The following ITGB3BP variants were observed in gnomAD, a reference collection of about 807,000 sequenced individuals.
The protein encoded by ITGB3BP is centromere protein R.
A neutral mutation model predicts 29.1 loss-of-function variants in ITGB3BP; 27 were observed. That is an observed-to-expected ratio of 0.93 (90% CI 0.68 to 1.28). ITGB3BP has a LOEUF of 1.28. ITGB3BP is among the 50% of genes most tolerant of loss of function. The probability of loss-of-function intolerance (pLI) is 0.00; values close to 1 mark genes in which losing one functional copy is unlikely to be tolerated. For synonymous variants in ITGB3BP, 61 were observed against 61.4 expected (o/e 0.99, Z 0.03); for missense variants, 192 against 200.2 (o/e 0.96, Z 0.25).
At chr1:63,473,203 C>T (rs1204590033) in intron 4 of ITGB3BP, among the ~76,000 whole-genome samples, 32 of 151,660 alleles carry the variant, frequency 2.1e-4, no homozygotes, top group Middle Eastern at 3.4e-3. Flanking sequence ...TCTGCCCGGC[C>T]GCCCCGTCTG....
chr1:63,500,392 A>G (rs1271550876), intron 2 of ITGB3BP, among the ~76,000 whole-genome samples: 1 of 152,176 alleles, frequency 6.6e-6, no homozygotes, highest in Admixed American at 6.5e-5. Context: ...CAAAAAAAAA[A>G]GAAAATCTCC....
At chr1:63,447,847 A>G in intron 7 of ITGB3BP, 1 of 307,652 alleles carries the variant, frequency 3.3e-6, no homozygotes, top group Non-Finnish European at 6.6e-6. Flanking sequence ...CCAAAGGACT[A>G]TAAATCATGC....
intron 3 of ITGB3BP, among the ~76,000 whole-genome samples, chr1:63,484,087 C>A (rs945581830): frequency 6.6e-6 from 1 of 152,052 alleles, no homozygotes; most frequent in Non-Finnish European, 1.5e-5. Context: ...TTCAACCAAC[C>A]ATGGATCAAA....
Position 63,490,168 on chromosome 1 carries a change from A to G in ITGB3BP, c.99T>C (p.Ser33=). The G allele has an allele frequency of 1.9e-6, 3 of 1,598,842 alleles. No homozygotes were observed. The highest frequency in any genetic ancestry group is 2.6e-6 in the Non-Finnish European group (3 of 1,167,064). The part of the protein sequence containing the change: ...ITRKKSVITY[S]PTTGTCQMSL... ...TCATTTGACAAGTTCCAGTTGTTGG[A>G]GAATAAGTTATAACACTTTTCTTCC... The change falls in exon 3 of 9, where the codon TCT becomes TCC. Residue 33 remains serine (S), a synonymous_variant. Coordinates refer to ENST00000271002, the MANE Select transcript of ITGB3BP (RefSeq NM_014288.5).
chr1:63,495,098 T>C (rs1645754603), intron 2 of ITGB3BP, among the ~76,000 whole-genome samples: 1 of 152,202 alleles, frequency 6.6e-6, no homozygotes, highest in Non-Finnish European at 1.5e-5. Flanking sequence ...GAAGCCACCA[T>C]GCAGGCTTCT....
At chr1:63,441,535 C>A in intron 8 of ITGB3BP, among the ~76,000 whole-genome samples, 1 of 152,284 alleles carries the variant, frequency 6.6e-6, no homozygotes, top group African/African-American at 2.4e-5. Context: ...TGTGCCCGGC[C>A]TTATTTGCTT....
chr1:63,468,299 T>C (rs955924046), intron 4 of ITGB3BP, among the ~76,000 whole-genome samples: 2 of 152,170 alleles, frequency 1.3e-5, no homozygotes, highest in African/African-American at 4.8e-5. Context: ...ACTTTGGTAG[T>C]CTTTAAATAA....
chr1:63,481,065 G>A lies in ITGB3BP; in HGVS notation c.185-2232C>T, dbSNP rs1461339717. On this transcript the variant is annotated intron_variant, in intron 3 of 8. Coordinates refer to ENST00000271002, the MANE Select transcript of ITGB3BP (RefSeq NM_014288.5). ...GCATTCAGTAAGGCTCCAAAATTAA[G>A]TATTAAAATTACTTTGCTCCTTTAA... Among the ~76,000 whole-genome samples, 3 of 152,018 alleles carry A rather than the reference G, an allele frequency of 2.0e-5. No individual in the cohort carries two copies. The East Asian group carries it at 5.8e-4, about 29-fold the overall frequency.
intron 4 of ITGB3BP, among the ~76,000 whole-genome samples, chr1:63,478,191 T>G (rs1252538913): frequency 6.6e-6 from 1 of 152,242 alleles, no homozygotes; most frequent in Non-Finnish European, 1.5e-5. Flanking sequence ...CTCGAAATAT[T>G]TTCAATTTGT....
chr1:63,525,386 C>T (rs1646570253), upstream of ITGB3BP, among the ~76,000 whole-genome samples: 1 of 152,084 alleles, frequency 6.6e-6, no homozygotes, highest in African/African-American at 2.4e-5. Context: ...CGTCCATATA[C>T]AACTATAGTA....
intron 4 of ITGB3BP, among the ~76,000 whole-genome samples, chr1:63,471,463 G>A (rs1219866788): frequency 6.6e-6 from 1 of 151,986 alleles, no homozygotes; most frequent in East Asian, 1.9e-4. Context: ...GTGTTAGCCA[G>A]GATGGTCTCT....
At position 63,502,007 on chromosome 1, in the gene ITGB3BP, T is replaced by C. The variant is rs1380998619; in HGVS notation, c.48+6521A>G. ...ATTGAGCTGGCCTTGGTAAGAAGTA[T>C]GCTCTTCTCTTCCCAACCGTAGCAT... On this transcript the variant is annotated intron_variant, in intron 2 of 8. Transcript: ENST00000271002. Among the ~76,000 whole-genome samples the C allele has an allele frequency of 3.9e-5, 6 of 152,296 alleles. No homozygotes were observed. The East Asian group carries it at 1.2e-3, about 29-fold the overall frequency.
At chr1:63,515,873 A>G (rs10889426) in intron 1 of ITGB3BP, among the ~76,000 whole-genome samples, 136,556 of 141,870 alleles carry the variant, frequency 0.96, 66,002 homozygotes, top group Middle Eastern at 1. Flanking sequence ...AGCAACCACC[A>G]CACTACTGGG....
chr1:63,525,576 G>T, upstream of ITGB3BP: 1 of 1,491,642 alleles, frequency 6.7e-7, no homozygotes, highest in Admixed American at 2.7e-5. Context: ...CAATAGAATG[G>T]CGATCAGTCC....
chr1:63,518,145 T>C (rs528907614), intron 1 of ITGB3BP, among the ~76,000 whole-genome samples: 1 of 152,318 alleles, frequency 6.6e-6, no homozygotes, highest in East Asian at 1.9e-4. Flanking sequence ...CTAAATATAT[T>C]ATCTATAGGT....
chr1:63,496,241 C>T (rs539298442), intron 2 of ITGB3BP, among the ~76,000 whole-genome samples: 1 of 152,018 alleles, frequency 6.6e-6, no homozygotes, highest in Middle Eastern at 3.2e-3. Context: ...GACAGGTGCG[C>T]ACCACCATGC....
intron 2 of ITGB3BP, among the ~76,000 whole-genome samples, chr1:63,493,504 C>G (rs944651690): frequency 6.6e-6 from 1 of 152,232 alleles, no homozygotes; most frequent in East Asian, 1.9e-4. Context: ...AACACCATTT[C>G]TAAACAAAAG....
intron 1 of ITGB3BP, among the ~76,000 whole-genome samples, chr1:63,517,143 A>G (rs187187040): frequency 4.0e-4 from 61 of 152,272 alleles, no homozygotes; most frequent in Admixed American, 1.2e-3. Flanking sequence ...CATCCACTTA[A>G]CTTTTTTTAA....
intron 4 of ITGB3BP, among the ~76,000 whole-genome samples, chr1:63,460,397 G>A (rs753813247): frequency 1.4e-4 from 21 of 152,120 alleles, no homozygotes; most frequent in Admixed American, 4.6e-4. Flanking sequence ...GAATCTTACA[G>A]TATTTGTCCT....
Sources: gnomAD v4.1 joint callset for allele counts (sites outside exome capture counted in the v4.1 genomes callset) on GRCh38, gnomAD v4.1.1 for gene constraint, MANE v1.5 for transcripts, NCBI Gene and HGNC (gene_info 2026-07-23, HGNC 2026-07-21) for gene names.